AUTS2: variants seen among roughly 807,000 people sequenced by gnomAD.
AUTS2 encodes the protein activator of transcription and developmental regulator AUTS2.
In AUTS2, 17 loss-of-function variants were observed where a neutral mutation model predicts 112.4. The ratio of observed to expected loss-of-function variants is 0.15; its 90% confidence interval spans 0.10 to 0.23. The LOEUF (loss-of-function observed/expected upper bound fraction) is 0.23. Among genes scored for constraint, AUTS2 ranks in the 10% least tolerant of loss-of-function variants. AUTS2 has a pLI of 1.00. For synonymous variants in AUTS2, 751 were observed against 702.7 expected, an observed-to-expected ratio of 1.07 and a Z score of -1.09; for missense variants, 1,510 against 1,701.6, an observed-to-expected ratio of 0.89 and a Z score of 1.98.
intron 1 of AUTS2, among the ~76,000 whole-genome samples, chr7:69,659,903 C>T (rs1176111492): frequency 9.2e-5 from 14 of 152,160 alleles, no homozygotes. Flanking sequence ...GTTAGCTTCC[C>T]ATGTTCCCTT....
intron 5 of AUTS2, among the ~76,000 whole-genome samples, chr7:70,496,702 T>G (rs867091672): frequency 1.4e-4 from 4 of 29,534 alleles, no homozygotes; most frequent in Non-Finnish European, 1.9e-4. Flanking sequence ...ACGTACACAG[T>G]CACACACGCA....
intron 2 of AUTS2, among the ~76,000 whole-genome samples, chr7:70,049,998 A>G (rs1044108915): frequency 2.0e-5 from 3 of 152,214 alleles, no homozygotes; most frequent in Non-Finnish European, 4.4e-5. Flanking sequence ...TTCCAAATTT[A>G]GGGCTAAAGA....
At chr7:70,613,241 C>CTGTGTG (rs71077668) in intron 5 of AUTS2, among the ~76,000 whole-genome samples, 2 of 147,628 alleles carry the variant, frequency 1.4e-5, no homozygotes, top group Admixed American at 1.4e-4. Flanking sequence ...GTGTGTGTGT[C>CTGTGTG]TGTGTGTGTG....
chr7:70,057,067 G>T (rs1012373589), intron 2 of AUTS2, among the ~76,000 whole-genome samples: 1 of 152,080 alleles, frequency 6.6e-6, no homozygotes, highest in Non-Finnish European at 1.5e-5. Flanking sequence ...TTCCAGCCAG[G>T]TCTCAGGGGC....
chr7:70,324,458 C>CA (rs755586610), intron 4 of AUTS2, among the ~76,000 whole-genome samples: 21 of 151,884 alleles, frequency 1.4e-4, no homozygotes, highest in Non-Finnish European at 2.7e-4. Context: ...CCTATCTCTA[C>CA]AAAAAATTTT....
At chr7:70,784,331 A>G (rs1034653139) in intron 15 of AUTS2, 1 of 152,562 alleles carries the variant, frequency 6.6e-6, no homozygotes, top group African/African-American at 2.4e-5. Flanking sequence ...AGAGCAGCGT[A>G]GCCAAGAACC....
At chr7:69,776,496 A>G (rs1584230458) in intron 1 of AUTS2, among the ~76,000 whole-genome samples, 1 of 152,182 alleles carries the variant, frequency 6.6e-6, no homozygotes, top group Admixed American at 6.5e-5. Flanking sequence ...GCTCACTGCA[A>G]CCTTGAACTC....
intron 1 of AUTS2, among the ~76,000 whole-genome samples, chr7:69,665,885 T>C (rs1796009920): frequency 6.6e-6 from 1 of 152,176 alleles, no homozygotes; most frequent in African/African-American, 2.4e-5. Context: ...TTGATTTCTA[T>C]TATTGTGTGA....
chr7:70,417,548 C>T (rs1313556875), intron 4 of AUTS2, among the ~76,000 whole-genome samples: 6 of 152,222 alleles, frequency 3.9e-5, no homozygotes, highest in Non-Finnish European at 5.9e-5. Flanking sequence ...GTGAAACCCA[C>T]GCTCTTGGCA....
intron 1 of AUTS2, among the ~76,000 whole-genome samples, chr7:69,753,021 T>C (rs1787804770): frequency 1.3e-5 from 2 of 152,216 alleles, no homozygotes; most frequent in African/African-American, 4.8e-5. Context: ...GCATAGTGTT[T>C]AGAAACATCT....
chr7:69,806,127 C>A (rs56323623), intron 1 of AUTS2, among the ~76,000 whole-genome samples: 2 of 146,574 alleles, frequency 1.4e-5, no homozygotes, highest in Admixed American at 1.4e-4. Flanking sequence ...CCAGGCTGGT[C>A]TCAAGCGGTC....
chr7:69,654,877 C>T (rs1400344549), intron 1 of AUTS2, among the ~76,000 whole-genome samples: 1 of 152,104 alleles, frequency 6.6e-6, no homozygotes, highest in Non-Finnish European at 1.5e-5. Flanking sequence ...GCTGTAGTCC[C>T]TCTTGACTGT....
At chr7:70,332,755 A>G (rs1354542432) in intron 4 of AUTS2, among the ~76,000 whole-genome samples, 1 of 152,226 alleles carries the variant, frequency 6.6e-6, no homozygotes, top group Non-Finnish European at 1.5e-5. Flanking sequence ...AAGACCTGCT[A>G]GCCATATGCA....
chr7:70,659,623 T>A, intron 5 of AUTS2, among the ~76,000 whole-genome samples: 1 of 152,158 alleles, frequency 6.6e-6, no homozygotes, highest in East Asian at 1.9e-4. Context: ...ACTGGGAGGA[T>A]ACCATGGACC....
chr7:70,787,441 G>A lies in AUTS2; in HGVS notation c.2531+10G>A. 1 of 1,596,480 alleles carries A rather than the reference G, an allele frequency of 6.3e-7. No individual in the cohort carries two copies. Among genetic ancestry groups the A allele is most frequent in the Middle Eastern group, 1.7e-4 (1 of 6,008 alleles). On this transcript the variant is annotated intron_variant, in intron 18 of 18. Coordinates refer to ENST00000342771, the MANE Select transcript of AUTS2 (RefSeq NM_015570.4). ...AAGATGACAAAGAAAGGTACGGAAA[G>A]AAACCGCTCTCGAGTCCCCACGGGG... is the stretch of plus-strand genomic sequence containing the variant.
chr7:69,644,772 T>G (rs1794949986), intron 1 of AUTS2, among the ~76,000 whole-genome samples: 1 of 152,214 alleles, frequency 6.6e-6, no homozygotes, highest in South Asian at 2.1e-4. Flanking sequence ...TTTATTTGGC[T>G]TCATTCATTT....
chr7:70,481,447 A>T (rs1797783922), intron 5 of AUTS2, among the ~76,000 whole-genome samples: 1 of 152,162 alleles, frequency 6.6e-6, no homozygotes, highest in South Asian at 2.1e-4. Flanking sequence ...CAGCATCTTG[A>T]CATTCTGGAA....
chr7:70,255,106 C>T (rs1002881379), intron 4 of AUTS2, among the ~76,000 whole-genome samples: 15 of 141,548 alleles, frequency 1.1e-4, no homozygotes, highest in Non-Finnish European at 2.0e-4. Flanking sequence ...CGGAGTCTCA[C>T]TCTGTCGCCC....
intron 1 of AUTS2, among the ~76,000 whole-genome samples, chr7:69,640,704 G>C (rs537344404): frequency 9.5e-4 from 145 of 152,262 alleles, no homozygotes; most frequent in African/African-American, 3.3e-3. Context: ...AAATTCATTT[G>C]ACCTCAGAAT....
Sources: gnomAD v4.1 joint callset for allele counts (sites outside exome capture counted in the v4.1 genomes callset) on GRCh38, gnomAD v4.1.1 for gene constraint, MANE v1.5 for transcripts, NCBI Gene and HGNC (gene_info 2026-07-23, HGNC 2026-07-21) for gene names.